IRS1: variants seen among roughly 807,000 people sequenced by gnomAD.
The protein encoded by IRS1 is insulin receptor substrate 1.
In IRS1, 34 loss-of-function variants were observed where a neutral mutation model predicts 65.6. That is an observed-to-expected ratio of 0.52 (90% CI 0.39 to 0.69). IRS1 has a LOEUF of 0.69. Ranked by LOEUF, IRS1 falls within the 30% of genes least tolerant of loss-of-function variation. The probability of loss-of-function intolerance (pLI) is 0.00; values close to 1 mark genes in which losing one functional copy is unlikely to be tolerated. For synonymous variants in IRS1, 699 were observed against 683.5 expected, an observed-to-expected ratio of 1.02 and a Z score of -0.35; for missense variants, 1,641 against 1,720.2, an observed-to-expected ratio of 0.95 and a Z score of 0.81.
chr2:226,750,249 CAA>C (rs75785691), intron 1 of IRS1, among the ~76,000 whole-genome samples: 24 of 59,988 alleles, frequency 4.0e-4, no homozygotes, highest in African/African-American at 4.1e-4. Context: ...AACTCTGTCT[CAA>C]AAAAAAAAAA....
intron 1 of IRS1, among the ~76,000 whole-genome samples, chr2:226,743,136 C>T (rs535606022): frequency 6.7e-6 from 1 of 148,458 alleles, no homozygotes; most frequent in South Asian, 2.1e-4. Flanking sequence ...ATGTACATGA[C>T]AGATTCAAGG....
In IRS1 at chr2:226,796,872, G is replaced by T; in HGVS notation, c.1867C>A (p.Pro623Thr). Residue 623 changes from proline (P) to threonine (T), a missense_variant, in exon 1 of 2, where the codon CCC becomes ACC. Coordinates refer to ENST00000305123, the MANE Select transcript of IRS1 (RefSeq NM_005544.3). ...MPMSPGVAPV[P>T]SGRKGSGDYM... ...TCTCCACTGCCCTTTCGGCCACTGG[G>T]CACTGGGGCCACCCCTGGGGACATG... 5.8e-6 allele frequency: 9 copies of T among 1,539,382 alleles called. No homozygotes were observed. Among genetic ancestry groups the T allele is most frequent in the Non-Finnish European group, 7.9e-6 (9 of 1,142,052 alleles).
Position 226,795,764 on chromosome 2 carries a change from A to G in IRS1, c.2975T>C (p.Met992Thr), listed in dbSNP as rs1431552201. ...GCTCTGACGGGGACAACTCATCTGC[A>G]TGGTCATGTAGTCACCCCGGCTGCT... is the stretch of plus-strand genomic sequence containing the variant. ...VPSSRGDYMT[M>T]QMSCPRQSYV... Residue 992 changes from methionine to threonine, a missense_variant, in exon 1 of 2, where the codon ATG becomes ACG. Physicochemically the swap from Met to Thr is moderately conservative, Grantham distance 81. This residue lies in a region of IRS1 where 1,324 missense variants were observed against 1,361.0 expected (regional missense o/e 0.97). Coordinates refer to ENST00000305123, the MANE Select transcript of IRS1 (RefSeq NM_005544.3). 2 of 1,613,232 alleles carry G rather than the reference A, an allele frequency of 1.2e-6. No homozygotes were observed. Among genetic ancestry groups the G allele is most frequent in the Non-Finnish European group, 1.7e-6 (2 of 1,180,012 alleles).
chr2:226,795,362 C>T lies in IRS1; in HGVS notation c.3377G>A (p.Gly1126Glu), dbSNP rs1277682986. 1 of 1,613,170 alleles carries T rather than the reference C, an allele frequency of 6.2e-7. No homozygotes were observed. The highest frequency in any genetic ancestry group is 1.1e-5 in the South Asian group (1 of 91,080). Residue 1126 changes from glycine (G) to glutamate (E), a missense_variant, in exon 1 of 2, where the codon GGG (glycine) becomes GAG (glutamate). Gly to Glu is a moderately conservative substitution (Grantham distance 98). This residue lies in a region of IRS1 where 1,324 missense variants were observed against 1,361.0 expected (regional missense o/e 0.97). Transcript: ENST00000305123. ...TVPFGAGAAV[G>E]GGGGSSSSSE... ...GCTGCTGCTGCTACCGCCACCGCCC[C>T]CTACTGCTGCCCCCGCTCCAAAGGG... is the stretch of plus-strand genomic sequence containing the variant.
chr2:226,754,218 G>A (rs1305804296), intron 1 of IRS1, among the ~76,000 whole-genome samples: 1 of 152,078 alleles, frequency 6.6e-6, no homozygotes, highest in Non-Finnish European at 1.5e-5. Flanking sequence ...TGATGACAAT[G>A]GTTCTCAAAT....
Position 226,796,589 on chromosome 2 carries a change from G to A in IRS1, c.2150C>T (p.Pro717Leu), listed in dbSNP as rs758292085. ...GAGCTTACCACCGCTGCTCTCCACT[G>A]GGGGTTTGGGGTGAGGCAAGACATG... ...HSHVLPHPKPPVESSGGKLLP... is the reference protein window; with the variant it reads ...HSHVLPHPKPLVESSGGKLLP... The change falls in exon 1 of 2, where the codon CCA (proline) becomes CTA (leucine). Residue 717 changes from proline (P) to leucine (L), a missense_variant. Transcript: ENST00000305123. 1.9e-5 allele frequency: 31 copies of A among 1,613,944 alleles called. No homozygotes were observed. Among genetic ancestry groups the A allele is most frequent in the Middle Eastern group, 1.6e-4 (1 of 6,084 alleles).
At position 226,795,503 on chromosome 2, in the gene IRS1, G is replaced by C. The variant is rs1327305672; in HGVS notation, c.3236C>G (p.Pro1079Arg). ...CACTTTGGCACTCTGGTTGCGGTTAGGACTGAGGTTCACCCGGGTGAAGGC... is the reference window on the plus strand; with the variant it reads ...CACTTTGGCACTCTGGTTGCGGTTACGACTGAGGTTCACCCGGGTGAAGGC... Reference protein sequence around the residue: ...MSAFTRVNLSPNRNQSAKVIR... With the variant: ...MSAFTRVNLSRNRNQSAKVIR... Residue 1079 changes from proline (P) to arginine (R), a missense_variant, in exon 1 of 2, where the codon CCT becomes CGT. Pro to Arg is a moderately radical substitution (Grantham distance 103). Coordinates refer to ENST00000305123, the MANE Select transcript of IRS1 (RefSeq NM_005544.3). 1 of 1,613,446 alleles carries C rather than the reference G, an allele frequency of 6.2e-7. No homozygotes were observed. The highest frequency in any genetic ancestry group is 8.5e-7 in the Non-Finnish European group (1 of 1,180,008).
At chr2:226,781,907 C>G (rs78802645) in intron 1 of IRS1, among the ~76,000 whole-genome samples, 2 of 150,506 alleles carry the variant, frequency 1.3e-5, no homozygotes, top group Non-Finnish European at 3.0e-5. Context: ...CACACACACA[C>G]GTTTGGGCAA....
At chr2:226,758,817 G>T (rs142206945) in intron 1 of IRS1, among the ~76,000 whole-genome samples, 86 of 152,224 alleles carry the variant, frequency 5.6e-4, no homozygotes, top group African/African-American at 1.7e-3. Context: ...CTCCAAATTA[G>T]CCAGACAGGA....
At chr2:226,765,482 TG>T (rs1269863730) in intron 1 of IRS1, among the ~76,000 whole-genome samples, 1 of 152,160 alleles carries the variant, frequency 6.6e-6, no homozygotes, top group Non-Finnish European at 1.5e-5. Flanking sequence ...ATCGGGGCCC[TG>T]TGGGGAATCG....
chr2:226,744,777 A>G (rs1220140353), intron 1 of IRS1, among the ~76,000 whole-genome samples: 1 of 152,162 alleles, frequency 6.6e-6, no homozygotes, highest in Non-Finnish European at 1.5e-5. Flanking sequence ...ACTGGTGCCA[A>G]AAAGGTTGGA....
chr2:226,790,135 G>C (rs912198012), intron 1 of IRS1, among the ~76,000 whole-genome samples: 1 of 152,140 alleles, frequency 6.6e-6, no homozygotes, highest in Non-Finnish European at 1.5e-5. Flanking sequence ...CTGCAAAGGA[G>C]GTTAGAATAA....
intron 1 of IRS1, among the ~76,000 whole-genome samples, chr2:226,777,308 TAAA>T (rs1034394593): frequency 1.3e-5 from 2 of 152,158 alleles, no homozygotes; most frequent in Non-Finnish European, 2.9e-5. Flanking sequence ...TGTCCTGAAA[TAAA>T]AAAGTGTATT....
intron 1 of IRS1, among the ~76,000 whole-genome samples, chr2:226,789,044 T>A (rs1391018338): frequency 4.6e-5 from 7 of 152,232 alleles, no homozygotes; most frequent in African/African-American, 1.4e-4. Flanking sequence ...TTTCCTTGAA[T>A]ACAATTTCCA....
At chr2:226,746,170 T>C (rs2106160379) in intron 1 of IRS1, among the ~76,000 whole-genome samples, 1 of 152,294 alleles carries the variant, frequency 6.6e-6, no homozygotes, top group South Asian at 2.1e-4. Context: ...CTAAGTCTGC[T>C]AATGAAAGAC....
chr2:226,797,594 C>G lies in IRS1; in HGVS notation c.1145G>C (p.Cys382Ser), dbSNP rs1215984305. The G allele has an allele frequency of 1.3e-6, 2 of 1,588,792 alleles. No individual in the cohort carries two copies. Among genetic ancestry groups the G allele is most frequent in the Non-Finnish European group, 1.7e-6 (2 of 1,170,610 alleles). ...SRSIPMPASR[C>S]SPSATSPVSL... is the part of the protein sequence containing the mutation. ...GACCGGGCTGGTGGCCGAAGGCGAG[C>G]AGCGGGAAGCCGGCATGGGGATGGA... The change falls in exon 1 of 2, where the codon TGC (cysteine) becomes TCC (serine). Residue 382 changes from cysteine (C) to serine (S), a missense_variant. Cys to Ser is a moderately radical substitution (Grantham distance 112). Transcript: ENST00000305123. This position sits in a 1 kb window ranked among gnomAD's most constrained non-coding sequence, Gnocchi z 8.1.
intron 1 of IRS1, among the ~76,000 whole-genome samples, chr2:226,756,521 A>G (rs1045596682): frequency 2.6e-5 from 4 of 152,246 alleles, no homozygotes; most frequent in Admixed American, 1.3e-4. Flanking sequence ...GAACACAACT[A>G]GGACACATGG....
intron 1 of IRS1, among the ~76,000 whole-genome samples, chr2:226,790,143 T>C (rs542240430): frequency 2.0e-5 from 3 of 152,196 alleles, no homozygotes; most frequent in African/African-American, 4.8e-5. Context: ...GAGGTTAGAA[T>C]AATTTAGAAC....
intron 1 of IRS1, among the ~76,000 whole-genome samples, chr2:226,741,930 T>A (rs756928913): frequency 6.6e-6 from 1 of 152,036 alleles, no homozygotes; most frequent in South Asian, 2.1e-4. Context: ...AATCCCACTA[T>A]AAAATCTCAG....
Sources: gnomAD v4.1 joint callset for allele counts (sites outside exome capture counted in the v4.1 genomes callset) on GRCh38, gnomAD v4.1.1 for gene constraint, gnomAD v4.1.1 regional missense constraint, Gnocchi (gnomAD v3.1) non-coding constraint, MANE v1.5 for transcripts, NCBI Gene and HGNC (gene_info 2026-07-23, HGNC 2026-07-21) for gene names.